Variants in SELENOF observed in about 807,000 individuals in gnomAD.
SELENOF encodes the protein selenoprotein F.
Under a neutral mutation model 20.5 loss-of-function variants are expected in SELENOF, and 16 were observed. The ratio of observed to expected loss-of-function variants is 0.78; its 90% CI spans 0.53 to 1.19. The LOEUF is 1.19. Ranked by LOEUF, SELENOF falls within the 50% of genes most tolerant of loss-of-function variation. The pLI, the probability that SELENOF is intolerant of heterozygous loss-of-function variation, is 0.00. For missense variants in SELENOF, 215 were observed against 194.2 expected (o/e 1.11, Z -0.64); for synonymous variants, 78 against 74.5 (o/e 1.05, Z -0.24).
At chr1:86,910,444 G>C (rs1337511619) in intron 1 of SELENOF, among the ~76,000 whole-genome samples, 1 of 146,808 alleles carries the variant, frequency 6.8e-6, no homozygotes, top group Non-Finnish European at 1.5e-5. Flanking sequence ...GGTGGCTCAC[G>C]CCTGTAATCC....
chr1:86,889,948 G>C (rs1447542740), intron 2 of SELENOF, among the ~76,000 whole-genome samples: 1 of 152,146 alleles, frequency 6.6e-6, no homozygotes, highest in African/African-American at 2.4e-5. Flanking sequence ...TCTGGCATAA[G>C]TATTCCCCTC....
intron 1 of SELENOF, among the ~76,000 whole-genome samples, chr1:86,910,124 G>A (rs1424313247): frequency 6.6e-6 from 1 of 152,166 alleles, no homozygotes; most frequent in Non-Finnish European, 1.5e-5. Flanking sequence ...AAGAAACAAA[G>A]GCCAAGAGTA....
intron 2 of SELENOF, among the ~76,000 whole-genome samples, chr1:86,900,638 C>T (rs1481023146): frequency 2.7e-5 from 4 of 149,444 alleles, no homozygotes; most frequent in Non-Finnish European, 3.0e-5. Context: ...GAGAGGGAGA[C>T]CGTGGGGAAA....
At chr1:86,888,820 C>T (rs952160927) in intron 2 of SELENOF, among the ~76,000 whole-genome samples, 3 of 152,036 alleles carry the variant, frequency 2.0e-5, no homozygotes, top group Non-Finnish European at 4.4e-5. Context: ...TGCGCCACCA[C>T]GCCTGGCTAA....
intron 2 of SELENOF, among the ~76,000 whole-genome samples, chr1:86,901,502 G>A (rs1570403944): frequency 6.6e-6 from 1 of 151,772 alleles, no homozygotes; most frequent in East Asian, 1.9e-4. Flanking sequence ...TTAGAGATTA[G>A]GGGCTAGGAG....
At chr1:86,867,185 A>T (rs904626848) in intron 4 of SELENOF, among the ~76,000 whole-genome samples, 2 of 152,090 alleles carry the variant, frequency 1.3e-5, no homozygotes, top group African/African-American at 4.8e-5. Flanking sequence ...AATTATAGAG[A>T]TAATAAAAAA....
At chr1:86,863,722 A>T in intron 4 of SELENOF, 117 bp from the exon 5 acceptor site, 1 of 841,850 alleles carries the variant, frequency 1.2e-6, no homozygotes, top group Non-Finnish European at 1.7e-6. Context: ...AGGCTTTTAG[A>T]CATGACAATA....
chr1:86,903,230 C>T, intron 2 of SELENOF, 51 bp downstream of exon 2: 1 of 1,494,108 alleles, frequency 6.7e-7, no homozygotes, highest in Non-Finnish European at 9.0e-7. Context: ...TACATTTTTA[C>T]CTTATCTCAA....
At chr1:86,897,251 C>T (rs1195449099) in intron 2 of SELENOF, among the ~76,000 whole-genome samples, 2 of 152,178 alleles carry the variant, frequency 1.3e-5, no homozygotes, top group African/African-American at 4.8e-5. Flanking sequence ...GGCACCATTG[C>T]ACTCCAGCCT....
chr1:86,906,423 C>T (rs1659827564), intron 1 of SELENOF, among the ~76,000 whole-genome samples: 1 of 152,206 alleles, frequency 6.6e-6, no homozygotes, highest in South Asian at 2.1e-4. Flanking sequence ...AATGTTAGTC[C>T]TCCACTGAGA....
chr1:86,874,568 T>G (rs1658876000), intron 3 of SELENOF, among the ~76,000 whole-genome samples: 2 of 151,742 alleles, frequency 1.3e-5, no homozygotes, highest in African/African-American at 2.4e-5. Context: ...AAAAAAGTAT[T>G]AAGGAGTATT....
intron 2 of SELENOF, among the ~76,000 whole-genome samples, chr1:86,890,656 C>CTT (rs559873950): frequency 1.3e-4 from 18 of 140,812 alleles, no homozygotes; most frequent in African/African-American, 3.4e-4. Flanking sequence ...TCACACCCAG[C>CTT]TTTTTTTTTT....
chr1:86,891,140 C>A (rs140959058), intron 2 of SELENOF, among the ~76,000 whole-genome samples: 101 of 151,872 alleles, frequency 6.7e-4, no homozygotes, highest in African/African-American at 2.3e-3. Context: ...ACCTCTACCC[C>A]CTGGGTTCAA....
Position 86,903,435 on chromosome 1 carries a change from C to A in SELENOF, c.98G>T (p.Gly33Val), listed in dbSNP as rs772744165. 6.2e-7 allele frequency: 1 copy of A among 1,601,232 alleles called. No homozygotes were observed. The highest frequency in any genetic ancestry group is 1.3e-5 in the African/African-American group (1 of 74,336). ...ATVLQAVSAF[G>V]AEFSSEACRE... ...GCATGCCTCCGATGAAAACTCTGCC[C>A]CAAAAGCAGACACCTGAAAATAAAA... is the stretch of plus-strand genomic sequence containing the variant. The change falls in exon 2 of 5, where the codon GGG becomes GTG. Residue 33 changes from glycine to valine, a missense_variant. By Grantham distance (109) the Gly-to-Val change is moderately radical (BLOSUM62 -3). Coordinates refer to ENST00000331835, the MANE Select transcript of SELENOF (RefSeq NM_004261.5).
intron 2 of SELENOF, among the ~76,000 whole-genome samples, chr1:86,890,656 CTTT>C (rs559873950): frequency 7.1e-6 from 1 of 140,820 alleles, no homozygotes; most frequent in Non-Finnish European, 1.6e-5. Context: ...TCACACCCAG[CTTT>C]TTTTTTTTTT....
rs1658661725 is a variant in SELENOF at position 86,868,114 on chromosome 1, AG to A, written c.317-13del. 2 of 1,407,188 alleles carry A rather than the reference AG, an allele frequency of 1.4e-6. No homozygotes were observed. Among genetic ancestry groups the A allele is most frequent in the Non-Finnish European group, 1.9e-6 (2 of 1,026,470 alleles). 87.2% of individuals were successfully genotyped at this position (1,407,188 alleles called of 1,614,324 possible). ...ACTCCTAACAAAAGCTTATAAAAAA[AG>A]AAAAAAAGATTCAGTAGTTCACTTC... is the stretch of plus-strand genomic sequence containing the variant. On this transcript the variant is annotated splice_polypyrimidine_tract_variant and intron_variant, in intron 3 of 4. Coordinates refer to ENST00000331835, the MANE Select transcript of SELENOF (RefSeq NM_004261.5).
chr1:86,888,182 C>A (rs771418254), intron 2 of SELENOF, among the ~76,000 whole-genome samples: 16 of 151,610 alleles, frequency 1.1e-4, no homozygotes, highest in Non-Finnish European at 2.2e-4. Context: ...ATCACTTGGA[C>A]CTGGGAGGTG....
chr1:86,876,408 T>G (rs1050824709), intron 3 of SELENOF, among the ~76,000 whole-genome samples: 6 of 152,154 alleles, frequency 3.9e-5, no homozygotes, highest in African/African-American at 1.4e-4. Context: ...ATTAAAAATG[T>G]GGACCACAGT....
chr1:86,877,635 T>A (rs1482552378), intron 3 of SELENOF, among the ~76,000 whole-genome samples: 1 of 152,252 alleles, frequency 6.6e-6, no homozygotes, highest in Admixed American at 6.5e-5. Context: ...TTAAGATTTT[T>A]GAATTATGAG....
Sources: gnomAD v4.1 joint callset for allele counts (sites outside exome capture counted in the v4.1 genomes callset) on GRCh38, gnomAD v4.1.1 for gene constraint, MANE v1.5 for transcripts, NCBI Gene and HGNC (gene_info 2026-07-23, HGNC 2026-07-21) for gene names.